ABCC8: variants seen among roughly 807,000 people sequenced by gnomAD.
The protein encoded by ABCC8 is ATP binding cassette subfamily C member 8.
In ABCC8, 137 loss-of-function variants were observed where a neutral mutation model predicts 188.0. That is an observed-to-expected ratio of 0.73 (90% confidence interval 0.63 to 0.84). ABCC8 has a LOEUF of 0.84. Among genes scored for constraint, ABCC8 ranks in the 40% least tolerant of loss-of-function variants. ABCC8 has a pLI of 0.00. For synonymous variants in ABCC8, 797 were observed against 846.5 expected, an observed-to-expected ratio of 0.94 and a Z score of 1.01; for missense variants, 1,750 against 2,072.7, an observed-to-expected ratio of 0.84 and a Z score of 3.02.
rs1232086484 is a variant in ABCC8 at position 17,404,549 on chromosome 11, A to C, written c.3520T>G (p.Cys1174Gly). The C allele has an allele frequency of 5.6e-6, 9 of 1,614,100 alleles. No individual in the cohort carries two copies. The highest frequency in any genetic ancestry group is 7.6e-6 in the Non-Finnish European group (9 of 1,179,992). ...CGGAAGTACTTCTGGATGAAGTAGC[A>C]CACGATGGCCAGGGGCAAGAGGGCC... ...LVALLPLAIV[C>G]YFIQKYFRVA... Residue 1174 changes from cysteine (C) to glycine (G), a missense_variant, in exon 28 of 39, where the codon TGC (cysteine) becomes GGC (glycine). Physicochemically the swap from Cys to Gly is radical, Grantham distance 159. Coordinates refer to ENST00000389817, the MANE Select transcript of ABCC8 (RefSeq NM_000352.6). This position sits in a 1 kb window ranked among gnomAD's most constrained non-coding sequence, Gnocchi z 4.7.
chr11:17,451,510 A>T (rs1956815363), intron 7 of ABCC8, among the ~76,000 whole-genome samples: 1 of 152,242 alleles, frequency 6.6e-6, no homozygotes, highest in Admixed American at 6.5e-5. Flanking sequence ...GACTATTCCA[A>T]GATAGCCAGA....
rs1954471048 is a variant in ABCC8 at position 17,405,478 on chromosome 11, G to C, written c.3399+16C>G. On this transcript the variant is annotated intron_variant, in intron 27 of 38. Transcript: ENST00000389817. ...TGTCTCTGGAAGGGGGGATAGTGTG[G>C]CACGGTCCTCTGTACCTGGTCGATG... The C allele has an allele frequency of 6.2e-7, 1 of 1,614,180 alleles. No homozygotes were observed. Among genetic ancestry groups the C allele is most frequent in the Non-Finnish European group, 8.5e-7 (1 of 1,180,010 alleles).
intron 16 of ABCC8, among the ~76,000 whole-genome samples, chr11:17,421,496 G>A (rs138277407): frequency 3.4e-4 from 52 of 152,226 alleles, no homozygotes; most frequent in Middle Eastern, 3.4e-3. Context: ...AAAGCACTAC[G>A]GATACAGTGA....
intron 33 of ABCC8, chr11:17,396,685 C>T (rs752167385): frequency 3.4e-6 from 2 of 583,896 alleles, no homozygotes; most frequent in Non-Finnish European, 6.0e-6. Context: ...TGTCGGTCTC[C>T]TTGGTGGATG....
At chr11:17,452,263 G>C (rs1367737619) in intron 7 of ABCC8, among the ~76,000 whole-genome samples, 1 of 152,144 alleles carries the variant, frequency 6.6e-6, no homozygotes, top group African/African-American at 2.4e-5. Context: ...ACAGAAGGCA[G>C]GACCAAGAGC....
chr11:17,474,519 A>T (rs1182591748), intron 2 of ABCC8, among the ~76,000 whole-genome samples: 1 of 150,032 alleles, frequency 6.7e-6, no homozygotes, highest in African/African-American at 2.5e-5. Flanking sequence ...GAAAGGTCTT[A>T]TGCAAGAGTG....
intron 20 of ABCC8, 121 bp downstream of exon 20, chr11:17,413,273 G>T (rs1236738028): frequency 6.9e-7 from 1 of 1,453,202 alleles, no homozygotes; most frequent in African/African-American, 1.4e-5. Flanking sequence ...CTTACTGCAG[G>T]CAACTCTTCA....
chr11:17,412,886 A>G, intron 20 of ABCC8, 140 bp from the exon 21 acceptor site: 1 of 1,510,466 alleles, frequency 6.6e-7, no homozygotes, highest in African/African-American at 1.4e-5. Flanking sequence ...TGCATAGAGA[A>G]GGAACTTGCA....
intron 37 of ABCC8, among the ~76,000 whole-genome samples, chr11:17,394,024 G>C (rs560744525): frequency 6.6e-6 from 1 of 152,274 alleles, no homozygotes; most frequent in South Asian, 2.1e-4. Context: ...AAGTCTGTGT[G>C]GGTCTGTGTG....
rs1226047756 is a variant in ABCC8, at chr11:17,427,606, C to A, written c.2116+261G>T. Among the ~76,000 whole-genome samples, 1 of 152,184 alleles carries A rather than the reference C, an allele frequency of 6.6e-6. No homozygotes were observed. On this transcript the variant is annotated intron_variant, in intron 15 of 38. Transcript: ENST00000389817. The surrounding 1 kb of genome is among the most constrained non-coding windows in gnomAD (Gnocchi z 5.0). ...CGTTCCTTGGCTACCCACTTCTGAT[C>A]TTTTTGTGCATTACCTATACTGTCT...
chr11:17,435,704 C>A (rs768058240), intron 10 of ABCC8: 15 of 1,377,560 alleles, frequency 1.1e-5, no homozygotes, highest in Non-Finnish European at 1.6e-5. Flanking sequence ...GAGGACAGTA[C>A]AGTAAGAACC....
In ABCC8 at chr11:17,409,371, G is replaced by T. The variant is rs1029099798; in HGVS notation, c.2695-854C>A. On this transcript the variant is annotated intron_variant, in intron 22 of 38. Coordinates refer to ENST00000389817, the MANE Select transcript of ABCC8 (RefSeq NM_000352.6). ...TCCCGCCCTATGCTGGGGTTCAAGG[G>T]GCTCGAGAGTCCTGATCACTGATTC... Among the ~76,000 whole-genome samples, 6 of 152,218 alleles carry T rather than the reference G, an allele frequency of 3.9e-5. No individual in the cohort carries two copies. In the South Asian group the frequency reaches 1.0e-3, roughly 26 times the overall value.
At position 17,430,963 on chromosome 11, in the gene ABCC8, T is replaced by C. The variant is rs1316827165; in HGVS notation, c.1672-4A>G. ...AGCTGACGTGGCCCACGAAAGTCTGTGGACAGAGGCACAAGTGAGGCCAGG... is the reference window on the plus strand; with the variant it reads ...AGCTGACGTGGCCCACGAAAGTCTGCGGACAGAGGCACAAGTGAGGCCAGG... On this transcript the variant is annotated splice_region_variant and splice_polypyrimidine_tract_variant and intron_variant, in intron 11 of 38. Coordinates refer to ENST00000389817, the MANE Select transcript of ABCC8 (RefSeq NM_000352.6). 6 of 1,613,974 alleles carry C rather than the reference T, an allele frequency of 3.7e-6. No individual in the cohort carries two copies. The highest frequency in any genetic ancestry group is 5.1e-6 in the Non-Finnish European group (6 of 1,179,922).
chr11:17,473,871 C>T (rs149203305), intron 2 of ABCC8, among the ~76,000 whole-genome samples: 214 of 152,320 alleles, frequency 1.4e-3, no homozygotes, highest in Non-Finnish European at 2.3e-3. Flanking sequence ...CAAATCCGAC[C>T]CAAACATGCA....
chr11:17,442,769 C>T lies in ABCC8; in HGVS notation c.1581G>A (p.Arg527=), dbSNP rs750360514. Reference sequence around the variant, plus strand: ...AGGCCCTGAGGCTGGTCATCTCCTTCCTGCGGGTCGTCTCCACCCGCGTGC... The same window carrying T: ...AGGCCCTGAGGCTGGTCATCTCCTTTCTGCGGGTCGTCTCCACCCGCGTGC... The part of the protein sequence containing the change: ...IFRTRVETTR[R]KEMTSLRAFA... The change falls in exon 10 of 39, where the codon AGG becomes AGA. Residue 527 remains arginine (R), a synonymous_variant. Transcript: ENST00000389817. 6.8e-6 allele frequency: 11 copies of T among 1,613,920 alleles called. No individual in the cohort carries two copies. Among genetic ancestry groups the T allele is most frequent in the Non-Finnish European group, 8.5e-6 (10 of 1,180,042 alleles).
At chr11:17,467,539 C>G (rs1463701008) in intron 3 of ABCC8, among the ~76,000 whole-genome samples, 1 of 152,242 alleles carries the variant, frequency 6.6e-6, no homozygotes, top group Non-Finnish European at 1.5e-5. Flanking sequence ...GCACTCTTTC[C>G]TCCCTTCTCC....
chr11:17,445,836 G>GA (rs1286868686), intron 8 of ABCC8, among the ~76,000 whole-genome samples: 1 of 151,894 alleles, frequency 6.6e-6, no homozygotes, highest in East Asian at 1.9e-4. Flanking sequence ...GGGGGGCTGG[G>GA]ACAGGGCCAG....
chr11:17,432,169 C>T, intron 11 of ABCC8, 35 bp downstream of exon 11: 1 of 1,551,952 alleles, frequency 6.4e-7, no homozygotes, highest in African/African-American at 1.4e-5. Context: ...CCCCCTCCAC[C>T]CTACCCCCAA....
intron 16 of ABCC8, 101 bp downstream of exon 16, chr11:17,426,946 AAC>A (rs2133530822): frequency 1.5e-6 from 2 of 1,350,380 alleles, no homozygotes; most frequent in Admixed American, 2.1e-5. Context: ...GTCCTCACTG[AAC>A]ACAGAGTGGG....
Sources: gnomAD v4.1 joint callset for allele counts (sites outside exome capture counted in the v4.1 genomes callset) on GRCh38, gnomAD v4.1.1 for gene constraint, Gnocchi (gnomAD v3.1) non-coding constraint, MANE v1.5 for transcripts, NCBI Gene and HGNC (gene_info 2026-07-23, HGNC 2026-07-21) for gene names.